Variants in TRPS1 observed in about 807,000 individuals in gnomAD.
TRPS1 encodes zinc finger transcription factor Trps1.
A neutral mutation model predicts 101.2 loss-of-function variants in TRPS1; 6 were observed. The observed-to-expected ratio is 0.06, with a 90% CI of 0.03 to 0.12. The LOEUF is 0.12. Among genes scored for constraint, TRPS1 ranks in the 10% least tolerant of loss-of-function variants. The pLI, the probability that TRPS1 is intolerant of heterozygous loss-of-function variation, is 1.00. For missense variants in TRPS1, 1,363 were observed against 1,567.0 expected, an observed-to-expected ratio of 0.87 and a Z score of 2.20; for synonymous variants, 578 against 589.8, an observed-to-expected ratio of 0.98 and a Z score of 0.29.
chr8:115,646,575 G>A (rs779250377), intron 1 of TRPS1, among the ~76,000 whole-genome samples: 1 of 152,106 alleles, frequency 6.6e-6, no homozygotes, highest in Non-Finnish European at 1.5e-5. Context: ...GAAGTAATAA[G>A]TATGCCCCCC....
chr8:115,504,055 C>T (rs1815382534), intron 5 of TRPS1, among the ~76,000 whole-genome samples: 1 of 152,196 alleles, frequency 6.6e-6, no homozygotes, highest in South Asian at 2.1e-4. Flanking sequence ...CTTGGGAAGG[C>T]AGGTTAACTT....
Position 115,435,918 on chromosome 8 carries a change from C to T in TRPS1, c.2701-17466G>A, listed in dbSNP as rs986047157. Among the ~76,000 whole-genome samples the T allele has an allele frequency of 3.3e-5, 5 of 149,926 alleles. No individual in the cohort carries two copies. The East Asian group carries it at 5.9e-4, about 18-fold the overall frequency. ...AATATACATGAAGCAATTAAGAGAA[C>T]GATGCAAGAAAGCAGACATGTCTCG... is the stretch of plus-strand genomic sequence containing the variant. On this transcript the variant is annotated intron_variant, in intron 5 of 6. Coordinates refer to ENST00000395715, the MANE Select transcript of TRPS1 (RefSeq NM_014112.5).
chr8:115,588,539 C>A (rs757279415), intron 4 of TRPS1, among the ~76,000 whole-genome samples: 1 of 152,154 alleles, frequency 6.6e-6, no homozygotes. Flanking sequence ...AAAGAGAGAA[C>A]AGTGACTGCT....
chr8:115,607,877 A>G (rs1327680358), intron 3 of TRPS1, among the ~76,000 whole-genome samples: 1 of 152,126 alleles, frequency 6.6e-6, no homozygotes, highest in African/African-American at 2.4e-5. Flanking sequence ...GCCATTCTAC[A>G]ATAAAACATA....
At chr8:115,559,657 A>C (rs1448190099) in intron 5 of TRPS1, among the ~76,000 whole-genome samples, 1 of 152,176 alleles carries the variant, frequency 6.6e-6, no homozygotes, top group Non-Finnish European at 1.5e-5. Context: ...ATTCGATGCC[A>C]TATGAGAAAA....
chr8:115,604,086 T>C lies in TRPS1; in HGVS notation c.1883A>G (p.Gln628Arg), dbSNP rs1201830042. Residue 628 changes from glutamine (Q) to arginine (R), a missense_variant, in exon 4 of 7, where the codon CAG becomes CGG. Coordinates refer to ENST00000395715, the MANE Select transcript of TRPS1 (RefSeq NM_014112.5). This position sits in a 1 kb window ranked among gnomAD's most constrained non-coding sequence, Gnocchi z 4.1. ...GAAGSSRVKHQCHQCSFTTPD... is the reference protein window; with the variant it reads ...GAAGSSRVKHRCHQCSFTTPD... ...GGTGGTGAATGAACACTGATGGCAC[T>C]GATGTTTGACTCGCGAGCTTCCAGC... 4 of 1,614,082 alleles carry C rather than the reference T, an allele frequency of 2.5e-6. No homozygotes were observed. The highest frequency in any genetic ancestry group is 4.5e-5 in the East Asian group (2 of 44,860).
At chr8:115,623,385 G>A (rs1207108350) in intron 2 of TRPS1, among the ~76,000 whole-genome samples, 1 of 151,870 alleles carries the variant, frequency 6.6e-6, no homozygotes, top group Non-Finnish European at 1.5e-5. Flanking sequence ...TTATATCATC[G>A]TAATTTTTCA....
At chr8:115,559,512 AC>A (rs2069219727) in intron 5 of TRPS1, among the ~76,000 whole-genome samples, 1 of 152,088 alleles carries the variant, frequency 6.6e-6, no homozygotes, top group Non-Finnish European at 1.5e-5. Context: ...TCAGATATAC[AC>A]AGAAGAAGTA....
intron 5 of TRPS1, among the ~76,000 whole-genome samples, chr8:115,437,363 A>G (rs749497684): frequency 2.0e-5 from 3 of 152,222 alleles, no homozygotes; most frequent in Non-Finnish European, 4.4e-5. Flanking sequence ...CAATGAGCAT[A>G]CAGGATATGC....
At chr8:115,495,123 T>A (rs1815117277) in intron 5 of TRPS1, among the ~76,000 whole-genome samples, 1 of 152,068 alleles carries the variant, frequency 6.6e-6, no homozygotes, top group African/African-American at 2.4e-5. Flanking sequence ...TGGCTACTTT[T>A]AAAAAAATAG....
At chr8:115,492,478 T>C (rs113485331) in intron 5 of TRPS1, among the ~76,000 whole-genome samples, 2 of 127,496 alleles carry the variant, frequency 1.6e-5, no homozygotes, top group African/African-American at 2.6e-5. Context: ...TGTGTGTGTG[T>C]GTGCGTGCGT....
At chr8:115,536,413 C>T (rs1297834708) in intron 5 of TRPS1, among the ~76,000 whole-genome samples, 1 of 150,478 alleles carries the variant, frequency 6.6e-6, no homozygotes, top group Non-Finnish European at 1.5e-5. Context: ...GTCCCAGCTA[C>T]TCAGGAGCCT....
chr8:115,640,130 A>G (rs908944370), intron 1 of TRPS1, among the ~76,000 whole-genome samples: 1 of 152,228 alleles, frequency 6.6e-6, no homozygotes, highest in Non-Finnish European at 1.5e-5. Flanking sequence ...TTTAAGCATC[A>G]ACTTTATACT....
intron 5 of TRPS1, among the ~76,000 whole-genome samples, chr8:115,552,269 CA>C (rs923551189): frequency 2.0e-5 from 3 of 150,136 alleles, no homozygotes; most frequent in African/African-American, 4.9e-5. Flanking sequence ...AAGACCTTTT[CA>C]AAAAAAAATT....
chr8:115,561,084 G>A (rs1296544433), intron 5 of TRPS1, among the ~76,000 whole-genome samples: 2 of 152,086 alleles, frequency 1.3e-5, no homozygotes, highest in Non-Finnish European at 2.9e-5. Flanking sequence ...CTAACAGAAC[G>A]CTTTCTATGT....
At chr8:115,505,871 G>GT (rs1815430225) in intron 5 of TRPS1, among the ~76,000 whole-genome samples, 1 of 152,028 alleles carries the variant, frequency 6.6e-6, no homozygotes, top group Non-Finnish European at 1.5e-5. Flanking sequence ...TTTTTTAAAT[G>GT]TGTATGTTTA....
intron 1 of TRPS1, among the ~76,000 whole-genome samples, chr8:115,667,224 A>G (rs1811943352): frequency 6.6e-6 from 1 of 152,184 alleles, no homozygotes; most frequent in South Asian, 2.1e-4. Flanking sequence ...TCCTGGGGCC[A>G]TAAAACAGTT....
At chr8:115,513,464 C>T (rs144361404) in intron 5 of TRPS1, among the ~76,000 whole-genome samples, 30 of 151,686 alleles carry the variant, frequency 2.0e-4, no homozygotes, top group African/African-American at 6.5e-4. Context: ...ACAAGAAGTG[C>T]CTTTTTGTGT....
In TRPS1 at chr8:115,609,562, T is replaced by A. The variant is rs533724594; in HGVS notation, c.967-4560A>T. Among the ~76,000 whole-genome samples, 468 of 152,270 alleles carry A rather than the reference T, an allele frequency of 3.1e-3. 4 individuals are homozygous for A. Among genetic ancestry groups the A allele is most frequent in the South Asian group, 0.015 (74 of 4,822 alleles). On this transcript the variant is annotated intron_variant, in intron 3 of 6. Transcript: ENST00000395715. ...ACCTGAGATTCGCTGGCCACAGTAC[T>A]TCATGGCACCCTCACCACTGACTTG...
Sources: allele counts gnomAD v4.1 joint callset (sites outside exome capture counted in the v4.1 genomes callset), GRCh38; gene constraint gnomAD v4.1.1; non-coding constraint Gnocchi (gnomAD v3.1); transcripts MANE v1.5; gene names NCBI Gene and HGNC (gene_info 2026-07-23, HGNC 2026-07-21).